PCDHGA10: variants seen among roughly 807,000 people sequenced by gnomAD.
PCDHGA10 encodes the protein protocadherin gamma subfamily A, 10.
PCDHGA10 carries 42 observed loss-of-function variants against 59.5 expected under a neutral mutation model. The observed-to-expected ratio is 0.71, with a 90% CI of 0.55 to 0.91. The LOEUF (loss-of-function observed/expected upper bound fraction) is 0.91. Ranked by LOEUF, PCDHGA10 falls within the 40% of genes least tolerant of loss-of-function variation. The pLI is 0.00. For synonymous variants in PCDHGA10, 511 were observed against 517.2 expected (o/e 0.99, Z 0.16); for missense variants, 1,111 against 1,198.2 (o/e 0.93, Z 1.07).
rs537985555 is a variant in PCDHGA10 at position 141,449,278 on chromosome 5, C to A, written c.2436+33667C>A. On this transcript the variant is annotated intron_variant, in intron 1 of 3. Coordinates refer to ENST00000398610, the MANE Select transcript of PCDHGA10 (RefSeq NM_018913.3). ...TGTACAAAGAACTGTATCTCCTTCA[C>A]CCGGATGCACCGGGTGAATTATATG... Among the ~76,000 whole-genome samples the A allele has an allele frequency of 4.6e-5, 7 of 152,166 alleles. No homozygotes were observed. In the South Asian group the frequency reaches 1.5e-3, roughly 32 times the overall value.
intron 1 of PCDHGA10, chr5:141,478,753 G>A (rs2099475642): frequency 2.0e-6 from 3 of 1,519,424 alleles, no homozygotes; most frequent in Admixed American, 2.1e-5. Context: ...ATTTCAGGGG[G>A]AAGATACTTG....
In PCDHGA10 at chr5:141,414,882, C is replaced by T. The variant is rs759814512; in HGVS notation, c.1707C>T (p.Pro569=). The T allele has an allele frequency of 4.3e-6, 7 of 1,614,104 alleles. No individual in the cohort carries two copies. Among genetic ancestry groups the T allele is most frequent in the East Asian group, 4.5e-5 (2 of 44,886 alleles). Residue 569 remains proline (P), a synonymous_variant, in exon 1 of 4, where the codon CCC becomes CCT. Coordinates refer to ENST00000398610, the MANE Select transcript of PCDHGA10 (RefSeq NM_018913.3). ...QNDNAPEILY[P]ALPTDGSTGV... Reference sequence around the variant, plus strand: ...ACAATGCGCCCGAGATCCTGTACCCCGCCCTCCCCACAGACGGTTCCACAG... The same window carrying T: ...ACAATGCGCCCGAGATCCTGTACCCTGCCCTCCCCACAGACGGTTCCACAG...
intron 1 of PCDHGA10, among the ~76,000 whole-genome samples, chr5:141,459,563 C>CAAAACAGAATT (rs1554142058): frequency 5.3e-5 from 8 of 152,044 alleles, no homozygotes; most frequent in Non-Finnish European, 2.9e-5. Context: ...ATAAATACCC[C>CAAAACAGAATT]AAAACAGAAT....
intron 1 of PCDHGA10, chr5:141,419,492 A>G: frequency 6.2e-7 from 1 of 1,612,358 alleles, no homozygotes; most frequent in South Asian, 1.1e-5. Flanking sequence ...GCTCAGCGCC[A>G]ATGTGAGCCT....
intron 1 of PCDHGA10, among the ~76,000 whole-genome samples, chr5:141,444,838 T>G (rs2098448876): frequency 6.6e-6 from 1 of 152,214 alleles, no homozygotes; most frequent in African/African-American, 2.4e-5. Context: ...AGCTTTATAG[T>G]AAGTCTTGCT....
chr5:141,464,769 T>C (rs2154568595), intron 1 of PCDHGA10, among the ~76,000 whole-genome samples: 1 of 152,328 alleles, frequency 6.6e-6, no homozygotes. Flanking sequence ...ACAGGAATCT[T>C]GTTCTGTTGC....
chr5:141,418,273 A>C, intron 1 of PCDHGA10: 1 of 1,614,082 alleles, frequency 6.2e-7, no homozygotes, highest in South Asian at 1.1e-5. Context: ...AAGATGAAAT[A>C]AACTTAGAAA....
chr5:141,427,703 C>A (rs529490424), intron 1 of PCDHGA10: 2 of 957,514 alleles, frequency 2.1e-6, no homozygotes, highest in African/African-American at 1.6e-5. Flanking sequence ...CACAAGTCAG[C>A]GCCTCTGACC....
chr5:141,460,938 A>G (rs532872249), intron 1 of PCDHGA10, among the ~76,000 whole-genome samples: 38 of 149,918 alleles, frequency 2.5e-4, no homozygotes, highest in African/African-American at 9.1e-4. Context: ...GTGTGTGTAT[A>G]TATATGTATT....
At chr5:141,422,690 T>C (rs1384522137) in intron 1 of PCDHGA10, 1 of 1,603,790 alleles carries the variant, frequency 6.2e-7, no homozygotes, top group African/African-American at 1.3e-5. Flanking sequence ...AATGCCCTGG[T>C]CACTTACTCT....
intron 1 of PCDHGA10, chr5:141,416,685 A>T (rs1292141199): frequency 1.3e-5 from 2 of 152,384 alleles, no homozygotes; most frequent in East Asian, 3.9e-4. Flanking sequence ...AAGGGAAATT[A>T]TATAAACAAA....
At position 141,489,335 on chromosome 5, in the gene PCDHGA10, G is replaced by C. The variant is rs138015049; in HGVS notation, c.2437-5472G>C. 1.4e-5 allele frequency: 22 copies of C among 1,607,364 alleles called. No individual in the cohort carries two copies. Among genetic ancestry groups the C allele is most frequent in the Non-Finnish European group, 1.9e-5 (22 of 1,175,842 alleles). The stretch of plus-strand genomic sequence containing the variant: ...TGGGGCTGGGTGTCTGGGCAGCTTC[G>C]TTACTCAGTGGTGGAGGAGTCTGAG... On this transcript the variant is annotated intron_variant, in intron 1 of 3. Transcript: ENST00000398610. This position sits in a 1 kb window ranked among gnomAD's most constrained non-coding sequence, Gnocchi z 4.5.
rs2099413641 is a variant in PCDHGA10, at chr5:141,477,586, T to C, written c.2437-17221T>C. The C allele has an allele frequency of 1.9e-6, 3 of 1,614,022 alleles. No individual in the cohort carries two copies. The highest frequency in any genetic ancestry group is 2.5e-6 in the Non-Finnish European group (3 of 1,180,036). On this transcript the variant is annotated intron_variant, in intron 1 of 3. Transcript: ENST00000398610. This position sits in a 1 kb window ranked among gnomAD's most constrained non-coding sequence, Gnocchi z 4.9. ...GGGACCCCGACGCCCCGCAGAATGC[T>C]CGGCTTTCTTTCTTTCTCTTGGAGC... is the stretch of plus-strand genomic sequence containing the variant.
intron 1 of PCDHGA10, chr5:141,422,992 G>A: frequency 6.2e-7 from 1 of 1,614,238 alleles, no homozygotes; most frequent in Non-Finnish European, 8.5e-7. Flanking sequence ...TGGCTACCTG[G>A]TGACCAAGGT....
chr5:141,421,970 A>C, intron 1 of PCDHGA10: 1 of 1,610,928 alleles, frequency 6.2e-7, no homozygotes, highest in Middle Eastern at 1.7e-4. Flanking sequence ...CAGTCCGTAT[A>C]TCGCGTGAGT....
chr5:141,509,442 T>C (rs1473514859), intron 3 of PCDHGA10, among the ~76,000 whole-genome samples: 3 of 152,008 alleles, frequency 2.0e-5, no homozygotes, highest in Non-Finnish European at 2.9e-5. Flanking sequence ...TGTTTCCTCC[T>C]CTCCCACCCC....
chr5:141,446,130 CTT>C (rs1191897284), intron 1 of PCDHGA10, among the ~76,000 whole-genome samples: 2 of 152,076 alleles, frequency 1.3e-5, no homozygotes, highest in African/African-American at 4.8e-5. Context: ...TTCAATAAGA[CTT>C]AATAATGGAA....
intron 1 of PCDHGA10, chr5:141,418,998 G>C (rs757681244): frequency 1.9e-6 from 3 of 1,613,940 alleles, no homozygotes; most frequent in South Asian, 1.1e-5. Context: ...GGGGAAAATG[G>C]GGAAGTCAGG....
chr5:141,440,444 C>G (rs2098178389), intron 1 of PCDHGA10: 1 of 152,038 alleles, frequency 6.6e-6, no homozygotes, highest in Admixed American at 6.6e-5. Context: ...AAGGCGCCAT[C>G]TCAAAAAAAA....
Sources: allele counts gnomAD v4.1 joint callset (sites outside exome capture counted in the v4.1 genomes callset), GRCh38; gene constraint gnomAD v4.1.1; non-coding constraint Gnocchi (gnomAD v3.1); transcripts MANE v1.5; gene names NCBI Gene and HGNC (gene_info 2026-07-23, HGNC 2026-07-21).